The following SETBP1 variants were observed in gnomAD, a reference collection of about 807,000 sequenced individuals.
SETBP1 encodes SET binding protein 1, also known as SET-binding protein.
In SETBP1, 9 loss-of-function variants were observed where a neutral mutation model predicts 101.0. That is an observed-to-expected ratio of 0.09 (90% CI 0.05 to 0.16). The LOEUF (loss-of-function observed/expected upper bound fraction) is 0.16. Among genes scored for constraint, SETBP1 ranks in the 10% least tolerant of loss-of-function variants. The pLI, the probability that SETBP1 is intolerant of heterozygous loss-of-function variation, is 1.00. For synonymous variants in SETBP1, 818 were observed against 788.5 expected (o/e 1.04, Z -0.63); for missense variants, 1,858 against 2,033.8 (o/e 0.91, Z 1.66).
At chr18:44,881,419 A>T (rs2069527537) in intron 3 of SETBP1, among the ~76,000 whole-genome samples, 2 of 152,238 alleles carry the variant, frequency 1.3e-5, no homozygotes, top group South Asian at 4.1e-4. Context: ...AGCACATTTC[A>T]TTCTTGATAA....
intron 2 of SETBP1, among the ~76,000 whole-genome samples, chr18:44,798,434 C>A (rs927552584): frequency 2.0e-5 from 3 of 152,146 alleles, no homozygotes; most frequent in Non-Finnish European, 4.4e-5. Flanking sequence ...TCTTTTCTTT[C>A]TGGAACAATG....
chr18:44,718,476 A>AAG (rs34880717), intron 2 of SETBP1, among the ~76,000 whole-genome samples: 2,329 of 150,184 alleles, frequency 0.016, 33 homozygotes, highest in South Asian at 0.049. Context: ...CCTAGTAGCA[A>AAG]AGAGAGAGAG....
chr18:45,039,223 C>T (rs4890277), intron 5 of SETBP1, among the ~76,000 whole-genome samples: 50,707 of 152,034 alleles, frequency 0.33, 10,222 homozygotes, highest in South Asian at 0.46. Context: ...CTCAGTAGTT[C>T]CCAGAGTCCT....
At chr18:44,780,652 C>A (rs1002272931) in intron 2 of SETBP1, among the ~76,000 whole-genome samples, 16 of 152,166 alleles carry the variant, frequency 1.1e-4, no homozygotes, top group African/African-American at 3.9e-4. Context: ...TGGCTGATTG[C>A]CAAGCTCTGT....
At chr18:44,898,330 C>A (rs575450009) in intron 3 of SETBP1, among the ~76,000 whole-genome samples, 1 of 152,040 alleles carries the variant, frequency 6.6e-6, no homozygotes, top group Admixed American at 6.6e-5. Flanking sequence ...TGGCTAGCCA[C>A]GTCTCAATTT....
Position 45,044,917 on chromosome 18 carries a change from C to T in SETBP1, c.4171+6262C>T, listed in dbSNP as rs148828704. 3.9e-3 allele frequency among the ~76,000 whole-genome samples: 592 copies of T among 152,282 alleles called. 5 individuals carry two copies. The highest frequency in any genetic ancestry group is 0.013 in the African/African-American group (553 of 41,546). Reference sequence around the variant, plus strand: ...CTAACAGGCAATAAAATCATAACCTCGTGGTTTATCTCTTCTACCAAACAA... The same window carrying T: ...CTAACAGGCAATAAAATCATAACCTTGTGGTTTATCTCTTCTACCAAACAA... On this transcript the variant is annotated intron_variant, in intron 5 of 5. Coordinates refer to ENST00000649279, the MANE Select transcript of SETBP1 (RefSeq NM_015559.3).
chr18:45,018,742 G>A (rs957244063), intron 4 of SETBP1, among the ~76,000 whole-genome samples: 1 of 152,150 alleles, frequency 6.6e-6, no homozygotes, highest in Non-Finnish European at 1.5e-5. Context: ...TCAAAACAGA[G>A]CAGTGGTTAA....
intron 3 of SETBP1, among the ~76,000 whole-genome samples, chr18:44,896,176 G>C (rs995703774): frequency 6.6e-6 from 1 of 152,128 alleles, no homozygotes; most frequent in African/African-American, 2.4e-5. Context: ...GATGATTAGG[G>C]GCAGTGTCTC....
intron 4 of SETBP1, among the ~76,000 whole-genome samples, chr18:44,972,260 G>A (rs542867072): frequency 4.1e-4 from 63 of 152,312 alleles, no homozygotes; most frequent in Non-Finnish European, 6.9e-4. Flanking sequence ...CCAGTCCCAT[G>A]CTGTTTTGGT....
At chr18:44,873,789 A>T (rs766770354) in intron 3 of SETBP1, among the ~76,000 whole-genome samples, 2 of 152,228 alleles carry the variant, frequency 1.3e-5, no homozygotes, top group African/African-American at 4.8e-5. Flanking sequence ...ATTAGGCTTA[A>T]AAATTAACTA....
chr18:44,878,792 G>A (rs2069466876), intron 3 of SETBP1, among the ~76,000 whole-genome samples: 1 of 152,056 alleles, frequency 6.6e-6, no homozygotes, highest in South Asian at 2.1e-4. Flanking sequence ...CTACCATGTT[G>A]TACCAAACAA....
At chr18:44,969,867 A>T (rs1026490097) in intron 4 of SETBP1, among the ~76,000 whole-genome samples, 3 of 152,104 alleles carry the variant, frequency 2.0e-5, no homozygotes, top group Non-Finnish European at 4.4e-5. Context: ...CTCCCCTTAA[A>T]CTTTGTTGCA....
At chr18:44,759,187 A>G (rs2070579712) in intron 2 of SETBP1, among the ~76,000 whole-genome samples, 1 of 152,180 alleles carries the variant, frequency 6.6e-6, no homozygotes, top group Non-Finnish European at 1.5e-5. Context: ...ATGTGCTTTT[A>G]CAGGGCATGG....
At chr18:44,967,099 A>C (rs2071736836) in intron 4 of SETBP1, among the ~76,000 whole-genome samples, 1 of 152,232 alleles carries the variant, frequency 6.6e-6, no homozygotes, top group African/African-American at 2.4e-5. Context: ...ACTGGGATGA[A>C]GTTAAATCCA....
intron 2 of SETBP1, among the ~76,000 whole-genome samples, chr18:44,868,749 AGG>A (rs2069198029): frequency 1.2e-5 from 1 of 83,888 alleles, no homozygotes; most frequent in Non-Finnish European, 2.9e-5. Flanking sequence ...GAAGGAAGGA[AGG>A]AAGGAAGGAA....
chr18:44,892,822 C>T (rs2069803616), intron 3 of SETBP1, among the ~76,000 whole-genome samples: 1 of 152,054 alleles, frequency 6.6e-6, no homozygotes, highest in Non-Finnish European at 1.5e-5. Context: ...AGCTAAACAC[C>T]TCTCATTTTC....
At chr18:44,809,780 A>T (rs1397973374) in intron 2 of SETBP1, among the ~76,000 whole-genome samples, 1 of 152,176 alleles carries the variant, frequency 6.6e-6, no homozygotes, top group African/African-American at 2.4e-5. Context: ...GATCCATCCA[A>T]ATTATATATG....
At chr18:45,015,119 A>C (rs1226469989) in intron 4 of SETBP1, among the ~76,000 whole-genome samples, 1 of 152,200 alleles carries the variant, frequency 6.6e-6, no homozygotes, top group Non-Finnish European at 1.5e-5. Context: ...TCGGGGTCCA[A>C]GGCACAGTGA....
intron 2 of SETBP1, among the ~76,000 whole-genome samples, chr18:44,714,338 A>G (rs1320340286): frequency 6.6e-6 from 1 of 152,002 alleles, no homozygotes; most frequent in Non-Finnish European, 1.5e-5. Flanking sequence ...AGCTGGGACT[A>G]CAGGTGCATG....
Sources: gnomAD v4.1 joint callset for allele counts (sites outside exome capture counted in the v4.1 genomes callset) on GRCh38, gnomAD v4.1.1 for gene constraint, MANE v1.5 for transcripts, NCBI Gene and HGNC (gene_info 2026-07-23, HGNC 2026-07-21) for gene names.